The following MTMR8 variants were observed in gnomAD, a reference collection of about 807,000 sequenced individuals.
The protein encoded by MTMR8 is myotubularin related protein 8.
MTMR8 carries 65 observed loss-of-function variants against 39.3 expected under a neutral mutation model. That is an observed-to-expected ratio of 1.65 (90% CI 1.35 to 2.03). The LOEUF is 2.03. MTMR8 is among the 30% of genes most tolerant of loss of function. The pLI is 0.00. For missense variants in MTMR8, 777 were observed against 538.9 expected (o/e 1.44, Z -4.37); for synonymous variants, 245 against 185.2 (o/e 1.32, Z -2.62).
chrX:64,364,418 C>A (rs898855230), intron 1 of MTMR8, among the ~76,000 whole-genome samples: 2 of 111,916 alleles, frequency 1.8e-5, no homozygotes, highest in African/African-American at 6.5e-5. Flanking sequence ...ATATTTGCTG[C>A]TCTGCAATAT....
chrX:64,304,860 T>TCATATATATATATATATA (rs1213473988), intron 12 of MTMR8, among the ~76,000 whole-genome samples: 1 of 28,564 alleles, frequency 3.5e-5, no homozygotes, highest in African/African-American at 7.1e-5. Flanking sequence ...GATCAAACAT[T>TCATATATATATATATATA]TATATATATA....
chrX:64,348,120 C>T (rs1021209726), intron 6 of MTMR8, among the ~76,000 whole-genome samples: 5 of 111,471 alleles, frequency 4.5e-5, no homozygotes, highest in African/African-American at 1.6e-4. Flanking sequence ...AATCAGCTAA[C>T]AGTACTAGAT....
chrX:64,370,482 A>G (rs1368456548), intron 1 of MTMR8, among the ~76,000 whole-genome samples: 1 of 111,701 alleles, frequency 9.0e-6, no homozygotes, highest in Non-Finnish European at 1.9e-5. Flanking sequence ...TCATTAGCCC[A>G]AAGTCTGCCA....
At chrX:64,296,336 T>A (rs917911324) in intron 12 of MTMR8, among the ~76,000 whole-genome samples, 5 of 111,397 alleles carry the variant, frequency 4.5e-5, no homozygotes, top group Non-Finnish European at 7.5e-5. Flanking sequence ...AGAGTTATTT[T>A]GTTATGCTAT....
intron 4 of MTMR8, 118 bp downstream of exon 4, chrX:64,354,659 T>A (rs1289797870): frequency 9.3e-6 from 7 of 750,421 alleles, no homozygotes; most frequent in Non-Finnish European, 1.3e-5. Flanking sequence ...GGCTGAATGT[T>A]GAATGGAAAG....
At chrX:64,295,036 G>A (rs1309714428) in intron 12 of MTMR8, among the ~76,000 whole-genome samples, 1 of 110,627 alleles carries the variant, frequency 9.0e-6, no homozygotes, top group African/African-American at 3.3e-5. Flanking sequence ...TCCCACACTG[G>A]TAAAGAAGAT....
chrX:64,338,572 G>A (rs181034439), intron 8 of MTMR8, among the ~76,000 whole-genome samples: 20 of 112,319 alleles, frequency 1.8e-4, no homozygotes, highest in Admixed American at 1.7e-3. Flanking sequence ...CAGCTAGGAG[G>A]ACAAGGGTCA....
In MTMR8 at chrX:64,275,894, C is replaced by A. The variant is rs1026210617; in HGVS notation, c.1482-4821G>T. On this transcript the variant is annotated intron_variant, in intron 12 of 13. Coordinates refer to ENST00000374852, the MANE Select transcript of MTMR8 (RefSeq NM_017677.4). ...TGGATAAATCCCTAGAAACACACAA[C>A]CTACCAAGACTAAATCACAAAGAAA... Among the ~76,000 whole-genome samples, 6 of 111,017 alleles carry A rather than the reference C, an allele frequency of 5.4e-5. No individual in the cohort carries two copies. The East Asian group carries it at 1.7e-3, about 31-fold the overall frequency.
intron 8 of MTMR8, among the ~76,000 whole-genome samples, chrX:64,342,537 T>A (rs932717652): frequency 1.8e-5 from 2 of 112,514 alleles, no homozygotes; most frequent in African/African-American, 3.2e-5. Context: ...TTTGGTCTAA[T>A]AAATTTGGTT....
chrX:64,312,789 G>A (rs1418433604), intron 12 of MTMR8, among the ~76,000 whole-genome samples: 1 of 112,111 alleles, frequency 8.9e-6, no homozygotes, highest in Non-Finnish European at 1.9e-5. Flanking sequence ...TATGTTAGCG[G>A]CCATGAAAAC....
chrX:64,388,815 T>A (rs1924625448), intron 1 of MTMR8, among the ~76,000 whole-genome samples: 1 of 112,441 alleles, frequency 8.9e-6, no homozygotes, highest in Non-Finnish European at 1.9e-5. Context: ...TCTCGGAGCC[T>A]TTAATAGGTG....
At chrX:64,285,804 T>A (rs1921148279) in intron 12 of MTMR8, among the ~76,000 whole-genome samples, 1 of 110,660 alleles carries the variant, frequency 9.0e-6, no homozygotes, top group African/African-American at 3.3e-5. Flanking sequence ...CATACCAGAA[T>A]CTCTGGGACA....
chrX:64,366,532 G>C (rs765793868), intron 1 of MTMR8, among the ~76,000 whole-genome samples: 7 of 112,026 alleles, frequency 6.2e-5, no homozygotes, highest in African/African-American at 2.3e-4. Flanking sequence ...AATGAAGGCA[G>C]AAATAAAGAT....
chrX:64,295,257 C>A (rs1921535777), intron 12 of MTMR8, among the ~76,000 whole-genome samples: 1 of 110,963 alleles, frequency 9.0e-6, no homozygotes, highest in South Asian at 3.8e-4. Flanking sequence ...CACACACACA[C>A]ACACAAAATT....
chrX:64,369,860 G>A (rs1166475134), intron 1 of MTMR8, among the ~76,000 whole-genome samples: 1 of 111,414 alleles, frequency 9.0e-6, no homozygotes, highest in African/African-American at 3.3e-5. Context: ...GCAGCTATTA[G>A]AAGCAATGGG....
chrX:64,292,413 G>A lies in MTMR8; in HGVS notation c.1482-21340C>T, dbSNP rs185912755. Among the ~76,000 whole-genome samples the A allele has an allele frequency of 8.1e-5, 9 of 111,327 alleles. No homozygotes were observed. In the East Asian group the frequency reaches 1.7e-3, roughly 21 times the overall value. Reference sequence around the variant, plus strand: ...GGATGCTCCAAACCATAAAGTAGGTGCATGTTGGACCTCGCTGTTGGTTGC... The same window carrying A: ...GGATGCTCCAAACCATAAAGTAGGTACATGTTGGACCTCGCTGTTGGTTGC... On this transcript the variant is annotated intron_variant, in intron 12 of 13. Transcript: ENST00000374852.
chrX:64,375,074 G>C (rs1327730955), intron 1 of MTMR8, among the ~76,000 whole-genome samples: 2 of 106,596 alleles, frequency 1.9e-5, no homozygotes, highest in African/African-American at 6.9e-5. Context: ...AAAAGTGAAG[G>C]AAGGGCCAGC....
chrX:64,284,584 A>G (rs1275605488), intron 12 of MTMR8, among the ~76,000 whole-genome samples: 1 of 111,647 alleles, frequency 9.0e-6, no homozygotes, highest in Non-Finnish European at 1.9e-5. Context: ...GAAAGGTCAC[A>G]TTACCCACAA....
chrX:64,354,357 T>C (rs1020756715), intron 4 of MTMR8, among the ~76,000 whole-genome samples: 5 of 111,319 alleles, frequency 4.5e-5, no homozygotes, highest in African/African-American at 1.3e-4. Flanking sequence ...TGGTGATGGA[T>C]ACCCCAATTA....
Sources: gnomAD v4.1 joint callset for allele counts (sites outside exome capture counted in the v4.1 genomes callset) on GRCh38, gnomAD v4.1.1 for gene constraint, MANE v1.5 for transcripts, NCBI Gene and HGNC (gene_info 2026-07-23, HGNC 2026-07-21) for gene names.